The following RAB27A variants were observed in gnomAD, a reference collection of about 807,000 sequenced individuals.
RAB27A encodes ras-related protein Rab-27A.
A neutral mutation model predicts 20.8 loss-of-function variants in RAB27A; 17 were observed. The observed-to-expected ratio is 0.82, with a 90% CI of 0.56 to 1.23. The LOEUF is 1.23. Ranked by LOEUF, RAB27A falls within the 50% of genes most tolerant of loss-of-function variation. The probability of loss-of-function intolerance (pLI) is 0.00; values close to 1 mark genes in which losing one functional copy is unlikely to be tolerated. For missense variants in RAB27A, 277 were observed against 266.7 expected, an observed-to-expected ratio of 1.04 and a Z score of -0.27; for synonymous variants, 85 against 92.8, an observed-to-expected ratio of 0.92 and a Z score of 0.48.
At chr15:55,210,630 ATTGAG>A (rs545752802) in intron 6 of RAB27A, among the ~76,000 whole-genome samples, 198 of 152,048 alleles carry the variant, frequency 1.3e-3, no homozygotes, top group Non-Finnish European at 2.4e-3. Flanking sequence ...TGTTTTTGCT[ATTGAG>A]TTATTTGAGC....
chr15:55,234,725 G>T, intron 3 of RAB27A, 57 bp downstream of exon 3: 1 of 1,535,770 alleles, frequency 6.5e-7, no homozygotes, highest in South Asian at 1.1e-5. Context: ...AAACTAAACA[G>T]ACCAGCAAAT....
At chr15:55,290,047 A>C (rs2141136759), upstream of RAB27A, 1 of 152,340 alleles carries the variant, frequency 6.6e-6, no homozygotes, top group Non-Finnish European at 1.5e-5. Context: ...CCATTCTGGA[A>C]GGCGCTACAA....
At chr15:55,273,032 G>A (rs997345636) in intron 1 of RAB27A, among the ~76,000 whole-genome samples, 5 of 152,086 alleles carry the variant, frequency 3.3e-5, no homozygotes, top group Non-Finnish European at 5.9e-5. Context: ...CTACCAAATA[G>A]AAAATAATGA....
At chr15:55,278,894 CT>C (rs1036462427) in intron 1 of RAB27A, among the ~76,000 whole-genome samples, 2 of 152,146 alleles carry the variant, frequency 1.3e-5, no homozygotes, top group Admixed American at 6.6e-5. Context: ...AATTCTATCC[CT>C]GAAAAATAAG....
At chr15:55,229,831 T>A (rs1281974939) in intron 4 of RAB27A, among the ~76,000 whole-genome samples, 1 of 152,318 alleles carries the variant, frequency 6.6e-6, no homozygotes, top group South Asian at 2.1e-4. Context: ...AATTTCATAA[T>A]TGTTGAAGCT....
chr15:55,304,042 A>G (rs2054987250), intron 2 of RAB27A, among the ~76,000 whole-genome samples: 1 of 151,980 alleles, frequency 6.6e-6, no homozygotes, highest in African/African-American at 2.4e-5. Flanking sequence ...TGGGGAAGAG[A>G]TTGAGAAATC....
intron 2 of RAB27A, chr15:55,238,240 G>C (rs1178826294): frequency 6.6e-6 from 1 of 152,120 alleles, no homozygotes; most frequent in Non-Finnish European, 1.5e-5. Context: ...CAGAGAGGTA[G>C]ACTGATTTGC....
At position 55,235,071 on chromosome 15, in the gene RAB27A, G is replaced by C. The variant is rs543656048; in HGVS notation, c.-22-115C>G. The C allele has an allele frequency of 7.4e-6, 6 of 815,708 alleles. No homozygotes were observed. In the African/African-American group the frequency reaches 1.5e-4, roughly 20 times the overall value. 50.5% of individuals were successfully genotyped at this position (815,708 alleles called of 1,614,324 possible). ...ACCTAATGTTAACCTGTATGTCTACGGGTTGTATGAAAAGAGAGTTACATA... is the reference window on the plus strand; with the variant it reads ...ACCTAATGTTAACCTGTATGTCTACCGGTTGTATGAAAAGAGAGTTACATA... On this transcript the variant is annotated intron_variant, in intron 2 of 6. Transcript: ENST00000336787.
chr15:55,239,801 CA>C (rs776807302), intron 2 of RAB27A, among the ~76,000 whole-genome samples: 25 of 152,078 alleles, frequency 1.6e-4, no homozygotes, highest in Non-Finnish European at 2.5e-4. Flanking sequence ...AAGAAAATTT[CA>C]GAGAAATAAA....
At chr15:55,224,987 T>C (rs1007779511) in intron 5 of RAB27A, among the ~76,000 whole-genome samples, 1 of 152,164 alleles carries the variant, frequency 6.6e-6, no homozygotes, top group Admixed American at 6.5e-5. Context: ...TTCACAACAG[T>C]TCTTTGCCCT....
At chr15:55,290,051 G>C (rs1404656507), upstream of RAB27A, 1 of 152,356 alleles carries the variant, frequency 6.6e-6, no homozygotes, top group Non-Finnish European at 1.5e-5. Flanking sequence ...TCTGGAAGGC[G>C]CTACAAAATA....
chr15:55,295,739 T>C (rs1040126205), intron 2 of RAB27A, among the ~76,000 whole-genome samples: 2 of 152,194 alleles, frequency 1.3e-5, no homozygotes, highest in African/African-American at 4.8e-5. Flanking sequence ...CGAGGTTTCC[T>C]TCTGAGGTGA....
rs1278140713 is a variant in RAB27A, at chr15:55,203,581, ATTT to A, written c.*1923_*1925del. 4 of 128,582 alleles carry A rather than the reference ATTT, an allele frequency of 3.1e-5. No individual in the cohort carries two copies. The highest frequency in any genetic ancestry group is 6.9e-5 in the Non-Finnish European group (4 of 58,204). The allele number at this position is 128,582 out of a possible 1,614,324, so 8.0% of individuals were successfully genotyped here. On this transcript the variant is annotated 3_prime_UTR_variant, in exon 7 of 7. Coordinates refer to ENST00000336787, the MANE Select transcript of RAB27A (RefSeq NM_183235.3). ...AGGTGCCCACCACCACGCCCAGCCCATTTTTTTTTTTTTTTTTTTTTTAGTAGA... is the reference window on the plus strand; with the variant it reads ...AGGTGCCCACCACCACGCCCAGCCCATTTTTTTTTTTTTTTTTTTAGTAGA...
chr15:55,245,311 C>G (rs765510181), intron 2 of RAB27A, among the ~76,000 whole-genome samples: 15 of 152,150 alleles, frequency 9.9e-5, no homozygotes, highest in Non-Finnish European at 2.1e-4. Flanking sequence ...TGCGCCCTCC[C>G]TAATATGTCA....
intron 4 of RAB27A, among the ~76,000 whole-genome samples, chr15:55,228,952 C>G (rs1566908676): frequency 6.6e-6 from 1 of 152,196 alleles, no homozygotes; most frequent in East Asian, 1.9e-4. Context: ...TGATCTTAGT[C>G]TCACCCAAGA....
At chr15:55,294,123 G>C (rs1054031351), upstream of RAB27A, among the ~76,000 whole-genome samples, 1 of 150,300 alleles carries the variant, frequency 6.7e-6, no homozygotes, top group Non-Finnish European at 1.5e-5. Context: ...TACTACAAAG[G>C]TATAGTAATT....
chr15:55,228,207 C>G (rs1478158646), intron 5 of RAB27A, among the ~76,000 whole-genome samples: 1 of 152,144 alleles, frequency 6.6e-6, no homozygotes, highest in African/African-American at 2.4e-5. Flanking sequence ...CTATCTGCAT[C>G]TATGTAATAC....
chr15:55,255,484 C>T (rs528901001), intron 2 of RAB27A, among the ~76,000 whole-genome samples: 10 of 152,298 alleles, frequency 6.6e-5, no homozygotes, highest in African/African-American at 2.4e-4. Context: ...GGACAGACAA[C>T]TGGCCAGCTG....
intron 1 of RAB27A, among the ~76,000 whole-genome samples, chr15:55,277,445 C>A (rs886215075): frequency 2.0e-5 from 3 of 152,134 alleles, no homozygotes; most frequent in Non-Finnish European, 4.4e-5. Flanking sequence ...GAGTTCGAGA[C>A]CAGCCTGTTT....
Sources: allele counts gnomAD v4.1 joint callset (sites outside exome capture counted in the v4.1 genomes callset), GRCh38; gene constraint gnomAD v4.1.1; transcripts MANE v1.5; gene names NCBI Gene and HGNC (gene_info 2026-07-23, HGNC 2026-07-21).